STAU2: variants seen among roughly 807,000 people sequenced by gnomAD.
STAU2 encodes the protein double-stranded RNA-binding protein Staufen homolog 2.
A neutral mutation model predicts 65.9 loss-of-function variants in STAU2; 20 were observed. The ratio of observed to expected loss-of-function variants is 0.30; its 90% CI spans 0.21 to 0.44. The LOEUF is 0.44. STAU2 is among the 20% of genes least tolerant of loss of function. The pLI is 1.00. For synonymous variants in STAU2, 232 were observed against 233.9 expected (o/e 0.99, Z 0.07); for missense variants, 558 against 683.9 (o/e 0.82, Z 2.05).
intron 10 of STAU2, among the ~76,000 whole-genome samples, chr8:73,596,391 A>G (rs1238819456): frequency 1.3e-5 from 2 of 152,218 alleles, no homozygotes; most frequent in African/African-American, 4.8e-5. Flanking sequence ...CAATTTATAC[A>G]TGTACTTAAA....
chr8:73,694,338 A>T (rs1210026079), intron 4 of STAU2, among the ~76,000 whole-genome samples: 1 of 152,260 alleles, frequency 6.6e-6, no homozygotes, highest in Non-Finnish European at 1.5e-5. Context: ...ACACAATCTT[A>T]TCAACACTGT....
chr8:73,563,560 A>ATAGT (rs1808388457), intron 12 of STAU2, among the ~76,000 whole-genome samples: 1 of 152,212 alleles, frequency 6.6e-6, no homozygotes, highest in Non-Finnish European at 1.5e-5. Context: ...ATATTGTACT[A>ATAGT]TAGTTCTGCA....
At chr8:73,468,626 C>T (rs1266239193) in intron 13 of STAU2, among the ~76,000 whole-genome samples, 1 of 152,166 alleles carries the variant, frequency 6.6e-6, no homozygotes, top group Non-Finnish European at 1.5e-5. Flanking sequence ...CAAATAACCC[C>T]ATCAAAAAGT....
At chr8:73,455,567 T>C (rs1406015842) in intron 13 of STAU2, among the ~76,000 whole-genome samples, 2 of 152,066 alleles carry the variant, frequency 1.3e-5, no homozygotes, top group African/African-American at 4.8e-5. Context: ...GTGCGAGGTA[T>C]GTTCACAACC....
intron 3 of STAU2, among the ~76,000 whole-genome samples, chr8:73,722,717 T>C (rs1203727100): frequency 6.6e-6 from 1 of 152,206 alleles, no homozygotes. Flanking sequence ...TTTCAACAAT[T>C]TGATTATAAT....
chr8:73,449,575 G>C (rs1411326772), intron 13 of STAU2, among the ~76,000 whole-genome samples: 1 of 152,194 alleles, frequency 6.6e-6, no homozygotes, highest in Non-Finnish European at 1.5e-5. Flanking sequence ...TCATTTCCAG[G>C]GGCACAGATT....
intron 13 of STAU2, chr8:73,527,602 G>C: frequency 1.1e-6 from 1 of 927,692 alleles, no homozygotes; most frequent in Non-Finnish European, 1.6e-6. Context: ...GGAAAGCAAA[G>C]CTGCATGTGC....
rs528176528 is a variant in STAU2 at position 73,727,155 on chromosome 8, G to A, written c.-18+11129C>T. ...TGAGGCAGGAGAATCCCTTGAACCCGGGAGGCAGAGGTTGCAGTGAGCTGA... is the reference window on the plus strand; with the variant it reads ...TGAGGCAGGAGAATCCCTTGAACCCAGGAGGCAGAGGTTGCAGTGAGCTGA... On this transcript the variant is annotated intron_variant, in intron 3 of 14. Coordinates refer to ENST00000524300, the MANE Select transcript of STAU2 (RefSeq NM_001164380.2). Among the ~76,000 whole-genome samples, 153 of 152,186 alleles carry A rather than the reference G, an allele frequency of 1.0e-3. 1 individual carries two copies. The highest frequency in any genetic ancestry group is 1.9e-3 in the African/African-American group (77 of 41,514).
intron 12 of STAU2, among the ~76,000 whole-genome samples, chr8:73,574,637 C>G (rs1219204223): frequency 6.6e-6 from 1 of 152,284 alleles, no homozygotes; most frequent in East Asian, 1.9e-4. Flanking sequence ...AACCATCATT[C>G]TGAGCAAACT....
At chr8:73,673,355 AC>A in intron 5 of STAU2, 113 bp from the exon 6 acceptor site, 1 of 1,061,424 alleles carries the variant, frequency 9.4e-7, no homozygotes, top group Non-Finnish European at 1.2e-6. Context: ...GAATGGATGG[AC>A]CACCTGTATG....
intron 1 of STAU2, among the ~76,000 whole-genome samples, chr8:73,743,011 T>G (rs80153463): frequency 0.02 from 3,084 of 152,114 alleles, 46 homozygotes; most frequent in Middle Eastern, 0.051. Context: ...AAATTTACTA[T>G]CTCTACTCTT....
intron 13 of STAU2, among the ~76,000 whole-genome samples, chr8:73,501,444 C>T (rs922396308): frequency 1.3e-5 from 2 of 151,744 alleles, no homozygotes; most frequent in Admixed American, 6.6e-5. Flanking sequence ...ACATTTGTTG[C>T]TATTATGTTA....
At chr8:73,433,636 G>A (rs1251564895) in intron 13 of STAU2, among the ~76,000 whole-genome samples, 1 of 151,578 alleles carries the variant, frequency 6.6e-6, no homozygotes, top group East Asian at 1.9e-4. Context: ...GAGTAGCTGG[G>A]ATTAGAGGCG....
intron 12 of STAU2, among the ~76,000 whole-genome samples, chr8:73,570,355 CG>C (rs1808960950): frequency 6.6e-6 from 1 of 152,044 alleles, no homozygotes; most frequent in Non-Finnish European, 1.5e-5. Flanking sequence ...CTGAAAGTGA[CG>C]GGGGGAATGG....
chr8:73,735,720 A>T (rs751007962), intron 3 of STAU2, among the ~76,000 whole-genome samples: 3 of 152,230 alleles, frequency 2.0e-5, no homozygotes, highest in Non-Finnish European at 2.9e-5. Flanking sequence ...TTTCTAGCCA[A>T]CATCCAGGGA....
intron 6 of STAU2, among the ~76,000 whole-genome samples, chr8:73,643,647 T>G (rs1161295398): frequency 2.0e-5 from 3 of 152,166 alleles, no homozygotes; most frequent in Admixed American, 2.0e-4. Context: ...ATACCTGTAC[T>G]TTTATACTCT....
chr8:73,457,769 T>C (rs1402140592), intron 13 of STAU2, among the ~76,000 whole-genome samples: 1 of 152,226 alleles, frequency 6.6e-6, no homozygotes, highest in Non-Finnish European at 1.5e-5. Flanking sequence ...ATAGGCATGA[T>C]ATGCAAAGTA....
intron 13 of STAU2, among the ~76,000 whole-genome samples, chr8:73,423,418 T>C (rs11787279): frequency 0.27 from 40,850 of 152,198 alleles, 6,186 homozygotes; most frequent in Non-Finnish European, 0.34. Context: ...GTTGACACTC[T>C]TGTGCATGTT....
intron 13 of STAU2, among the ~76,000 whole-genome samples, chr8:73,533,751 T>C (rs554581920): frequency 2.0e-5 from 3 of 152,326 alleles, no homozygotes; most frequent in African/African-American, 7.2e-5. Flanking sequence ...AATGAATGAA[T>C]GAATGTCTTA....
Sources: gnomAD v4.1 joint callset for allele counts (sites outside exome capture counted in the v4.1 genomes callset) on GRCh38, gnomAD v4.1.1 for gene constraint, MANE v1.5 for transcripts, NCBI Gene and HGNC (gene_info 2026-07-23, HGNC 2026-07-21) for gene names.